RYK: variants seen among roughly 807,000 people sequenced by gnomAD.
RYK encodes the protein receptor like tyrosine kinase.
In RYK, 21 loss-of-function variants were observed where a neutral mutation model predicts 70.2. That is an observed-to-expected ratio of 0.30 (90% CI 0.21 to 0.43). The LOEUF is 0.43. Among genes scored for constraint, RYK ranks in the 20% least tolerant of loss-of-function variants. The probability of loss-of-function intolerance (pLI) is 1.00; values close to 1 mark genes in which losing one functional copy is unlikely to be tolerated. For synonymous variants in RYK, 267 were observed against 278.0 expected, an observed-to-expected ratio of 0.96 and a Z score of 0.39; for missense variants, 604 against 753.3, an observed-to-expected ratio of 0.80 and a Z score of 2.32.
rs1189075081 is a variant in RYK, at chr3:134,246,301, AATACACACACACAC to A, written c.232+4108_232+4121del. Among the ~76,000 whole-genome samples, 24 of 103,706 alleles carry A rather than the reference AATACACACACACAC, an allele frequency of 2.3e-4. 1 individual carries two copies. The highest frequency in any genetic ancestry group is 1.5e-3 in the Admixed American group (14 of 9,468). 68.0% of individuals were successfully genotyped at this position (103,706 alleles called of 152,430 possible). On this transcript the variant is annotated intron_variant, in intron 1 of 14. Coordinates refer to ENST00000623711, the MANE Select transcript of RYK (RefSeq NM_002958.4). Reference sequence around the variant, plus strand: ...CAAACCAACAGACATCTCAGAAAGAAATACACACACACACACACACACACACACACACACACACA... The same window carrying A: ...CAAACCAACAGACATCTCAGAAAGAAACACACACACACACACACACACACA...
intron 2 of RYK, among the ~76,000 whole-genome samples, chr3:134,218,668 C>T (rs1360180147): frequency 6.6e-6 from 1 of 152,052 alleles, no homozygotes; most frequent in Non-Finnish European, 1.5e-5. Context: ...AAAGAAAGGC[C>T]GAGACCAGAT....
At chr3:134,229,387 A>AAG (rs1375138874) in intron 1 of RYK, among the ~76,000 whole-genome samples, 1 of 151,702 alleles carries the variant, frequency 6.6e-6, no homozygotes, top group East Asian at 1.9e-4. Context: ...CTGGAAAAAA[A>AAG]AAAAAAAAAA....
intron 7 of RYK, 95 bp from the exon 8 acceptor site, chr3:134,192,069 C>A: frequency 8.4e-7 from 1 of 1,195,918 alleles, no homozygotes; most frequent in Admixed American, 2.2e-5. Context: ...ACTCAGGTCA[C>A]AGGAATGAGT....
intron 5 of RYK, among the ~76,000 whole-genome samples, chr3:134,203,255 T>C (rs557635884): frequency 6.6e-6 from 1 of 152,194 alleles, no homozygotes; most frequent in African/African-American, 2.4e-5. Flanking sequence ...GGCTGAGGCA[T>C]GAGAATCGCT....
chr3:134,237,553 CA>C (rs543304422), intron 1 of RYK, among the ~76,000 whole-genome samples: 1 of 151,916 alleles, frequency 6.6e-6, no homozygotes, highest in Non-Finnish European at 1.5e-5. Flanking sequence ...TTAGTTAAGG[CA>C]AAAAAACAAA....
intron 13 of RYK, among the ~76,000 whole-genome samples, chr3:134,165,720 T>C (rs2012643163): frequency 6.6e-6 from 1 of 152,220 alleles, no homozygotes; most frequent in Non-Finnish European, 1.5e-5. Flanking sequence ...TATTCTTGAG[T>C]CCTAAGGTTT....
Position 134,221,247 on chromosome 3 carries a change from C to G in RYK, c.354+1171G>C, listed in dbSNP as rs192400741. 5.1e-3 allele frequency among the ~76,000 whole-genome samples: 646 copies of G among 127,860 alleles called. 3 individuals carry two copies. Among genetic ancestry groups the G allele is most frequent in the East Asian group, 0.023 (100 of 4,386 alleles). The allele number at this position is 127,860 out of a possible 152,430, so 83.9% of individuals were successfully genotyped here. A position where few individuals can be genotyped will look rare whatever the true frequency, so the allele number is the denominator to read the frequency against. ...TGAGACAGAGTCTCACTCTGTCTCC[C>G]AGGATGGAGTGCAGTGGTGCGATCT... On this transcript the variant is annotated intron_variant, in intron 2 of 14. Coordinates refer to ENST00000623711, the MANE Select transcript of RYK (RefSeq NM_002958.4).
chr3:134,197,302 C>T (rs187866364), intron 6 of RYK, among the ~76,000 whole-genome samples: 46 of 152,042 alleles, frequency 3.0e-4, no homozygotes, highest in Non-Finnish European at 6.2e-4. Context: ...GAGCATAAAC[C>T]GTGAAGTCAG....
At chr3:134,162,585 A>G (rs1223973107) in intron 13 of RYK, among the ~76,000 whole-genome samples, 1 of 152,114 alleles carries the variant, frequency 6.6e-6, no homozygotes, top group Non-Finnish European at 1.5e-5. Flanking sequence ...AAAATGGAAA[A>G]ATGATTTCAA....
At chr3:134,161,209 G>A (rs1234292544) in intron 13 of RYK, among the ~76,000 whole-genome samples, 1 of 152,214 alleles carries the variant, frequency 6.6e-6, no homozygotes. Flanking sequence ...CAACCAGTTT[G>A]AAGACTGGAA....
At chr3:134,242,305 CAA>C (rs1164147101) in intron 1 of RYK, among the ~76,000 whole-genome samples, 15 of 114,416 alleles carry the variant, frequency 1.3e-4, no homozygotes, top group African/African-American at 9.7e-5. Context: ...AACTCCGTCT[CAA>C]AAAAAAAAAA....
chr3:134,176,098 T>C, intron 11 of RYK, 59 bp from the exon 12 acceptor site: 1 of 997,256 alleles, frequency 1.0e-6, no homozygotes, highest in Non-Finnish European at 1.5e-6. Flanking sequence ...TGGCACTTTC[T>C]TACTTTTTTT....
chr3:134,182,141 C>T (rs1299905883), intron 10 of RYK, among the ~76,000 whole-genome samples: 2 of 146,654 alleles, frequency 1.4e-5, no homozygotes, highest in African/African-American at 2.5e-5. Flanking sequence ...GGTGACAGAG[C>T]GAGACTCTGT....
intron 1 of RYK, among the ~76,000 whole-genome samples, chr3:134,246,301 AATACACACACAC>A (rs1393994381): frequency 3.0e-4 from 31 of 103,706 alleles, no homozygotes; most frequent in Admixed American, 4.2e-4. Context: ...CTCAGAAAGA[AATACACACACAC>A]ACACACACAC....
chr3:134,239,306 T>A (rs552487869), intron 1 of RYK, among the ~76,000 whole-genome samples: 77 of 151,792 alleles, frequency 5.1e-4, no homozygotes, highest in South Asian at 8.3e-4. Context: ...CAAAAAAAAA[T>A]TTTTATATTA....
rs764688534 is a variant in RYK at position 134,175,618 on chromosome 3, A to G, written c.1566T>C (p.Ala522=). Residue 522 remains alanine (A), a synonymous_variant, in exon 13 of 15, where the codon GCT becomes GCC. Transcript: ENST00000623711. ...GGGTCCCGGCACTTACCACATCACT[A>G]GCGCTAGAGAACTCGTTATTAACCA... is the stretch of plus-strand genomic sequence containing the variant. ...ESLVNNEFSS[A]SDVWAFGVTL... 7 of 1,613,604 alleles carry G rather than the reference A, an allele frequency of 4.3e-6. No homozygotes were observed. The highest frequency in any genetic ancestry group is 5.9e-6 in the Non-Finnish European group (7 of 1,179,780).
intron 8 of RYK, among the ~76,000 whole-genome samples, chr3:134,190,843 T>TA (rs2013621677): frequency 6.6e-6 from 1 of 152,224 alleles, no homozygotes; most frequent in South Asian, 2.1e-4. Context: ...CATTTTTTTT[T>TA]ATTCTTTAGG....
At chr3:134,179,552 A>G (rs1339792550) in intron 10 of RYK, 1 of 152,256 alleles carries the variant, frequency 6.6e-6, no homozygotes, top group Non-Finnish European at 1.5e-5. Flanking sequence ...GTAACCTGCC[A>G]AGGACAAAGA....
chr3:134,200,895 G>A lies in RYK; in HGVS notation c.788+1835C>T, dbSNP rs149895660. On this transcript the variant is annotated intron_variant, in intron 6 of 14. Coordinates refer to ENST00000623711, the MANE Select transcript of RYK (RefSeq NM_002958.4). ...GAAACTTTTGCCTGAAAACTAAAGA[G>A]AACTGGAACACCAATTCATGGATGG... is the stretch of plus-strand genomic sequence containing the variant. Among the ~76,000 whole-genome samples the A allele has an allele frequency of 3.9e-5, 6 of 152,336 alleles. No individual in the cohort carries two copies. In the East Asian group the frequency reaches 1.2e-3, roughly 29 times the overall value.
Sources: gnomAD v4.1 joint callset for allele counts (sites outside exome capture counted in the v4.1 genomes callset) on GRCh38, gnomAD v4.1.1 for gene constraint, MANE v1.5 for transcripts, NCBI Gene and HGNC (gene_info 2026-07-23, HGNC 2026-07-21) for gene names.